Variants in BCL2 observed in about 807,000 individuals in gnomAD.
BCL2 encodes BCL2 apoptosis regulator.
BCL2 carries 1 observed loss-of-function variant against 14.2 expected under a neutral mutation model. The observed-to-expected ratio is 0.07, with a 90% CI of 0.02 to 0.33. BCL2 has a LOEUF of 0.33. Ranked by LOEUF, BCL2 falls within the 10% of genes least tolerant of loss-of-function variation. BCL2 has a pLI of 0.99. For synonymous variants in BCL2, 151 were observed against 137.2 expected (o/e 1.10, Z -0.70); for missense variants, 247 against 305.9 (o/e 0.81, Z 1.44).
intron 2 of BCL2, among the ~76,000 whole-genome samples, chr18:63,279,995 G>A (rs540265470): frequency 6.6e-6 from 1 of 152,326 alleles, no homozygotes; most frequent in East Asian, 1.9e-4. Context: ...GGCCTTATGG[G>A]GGCTGGCAAT....
chr18:63,304,093 T>C (rs1398867695), intron 2 of BCL2, among the ~76,000 whole-genome samples: 1 of 152,230 alleles, frequency 6.6e-6, no homozygotes, highest in Non-Finnish European at 1.5e-5. Flanking sequence ...GAAGTTAATA[T>C]TGTCCCATCA....
chr18:63,284,383 T>C (rs1298782366), intron 2 of BCL2, among the ~76,000 whole-genome samples: 2 of 152,204 alleles, frequency 1.3e-5, no homozygotes, highest in Non-Finnish European at 2.9e-5. Flanking sequence ...AAGTCACGTA[T>C]ACTTTTGCAG....
At chr18:63,155,726 G>A (rs542609868) in intron 2 of BCL2, among the ~76,000 whole-genome samples, 1 of 152,196 alleles carries the variant, frequency 6.6e-6, no homozygotes, top group South Asian at 2.1e-4. Context: ...GGAAGAGAGA[G>A]GGAGGGCTGC....
intron 2 of BCL2, among the ~76,000 whole-genome samples, chr18:63,238,199 G>A (rs1241249488): frequency 6.6e-6 from 1 of 152,176 alleles, no homozygotes; most frequent in Non-Finnish European, 1.5e-5. Flanking sequence ...AACTGGGAGT[G>A]TTTAATTATG....
At chr18:63,279,041 A>T (rs1436974742) in intron 2 of BCL2, among the ~76,000 whole-genome samples, 2 of 152,254 alleles carry the variant, frequency 1.3e-5, no homozygotes, top group African/African-American at 4.8e-5. Flanking sequence ...ATATAACTCA[A>T]TTCCAGGTGC....
chr18:63,267,420 C>T (rs577552714), intron 2 of BCL2, among the ~76,000 whole-genome samples: 1 of 152,092 alleles, frequency 6.6e-6, no homozygotes, highest in Non-Finnish European at 1.5e-5. Context: ...AAAGGAGGTG[C>T]AGTCAGCTGG....
chr18:63,156,340 T>A (rs1425654701), intron 2 of BCL2, among the ~76,000 whole-genome samples: 1 of 152,178 alleles, frequency 6.6e-6, no homozygotes, highest in Admixed American at 6.5e-5. Flanking sequence ...CTGGGTCAGG[T>A]AATTCTTTGT....
chr18:63,311,883 G>A (rs1913333755), intron 2 of BCL2, among the ~76,000 whole-genome samples: 1 of 152,206 alleles, frequency 6.6e-6, no homozygotes, highest in South Asian at 2.1e-4. Context: ...GGCGTTTGGG[G>A]AAGTAGTCCT....
intron 2 of BCL2, among the ~76,000 whole-genome samples, chr18:63,272,738 C>A (rs1290808591): frequency 1.3e-5 from 2 of 152,162 alleles, no homozygotes; most frequent in African/African-American, 4.8e-5. Context: ...ATCATAAATA[C>A]ACACACAGCA....
chr18:63,180,345 T>C (rs1360930159), intron 2 of BCL2, among the ~76,000 whole-genome samples: 1 of 152,208 alleles, frequency 6.6e-6, no homozygotes, highest in Non-Finnish European at 1.5e-5. Context: ...GCTCTGGGTG[T>C]TGCTAGGAAG....
At chr18:63,204,560 G>C (rs1201148695) in intron 2 of BCL2, among the ~76,000 whole-genome samples, 1 of 152,076 alleles carries the variant, frequency 6.6e-6, no homozygotes, top group African/African-American at 2.4e-5. Context: ...AACAAATCCA[G>C]GCAAAAGCAG....
At chr18:63,243,003 A>G (rs1276392340) in intron 2 of BCL2, among the ~76,000 whole-genome samples, 1 of 152,166 alleles carries the variant, frequency 6.6e-6, no homozygotes, top group Non-Finnish European at 1.5e-5. Context: ...AGTAACATGG[A>G]TTGGGTAAGG....
At position 63,203,134 on chromosome 18, in the gene BCL2, A is replaced by G. The variant is rs150848441; in HGVS notation, c.586-74375T>C. 1.1e-3 allele frequency among the ~76,000 whole-genome samples: 163 copies of G among 152,368 alleles called. 1 individual carries two copies. The highest frequency in any genetic ancestry group is 3.8e-3 in the African/African-American group (158 of 41,586). On this transcript the variant is annotated intron_variant, in intron 2 of 2. Coordinates refer to ENST00000333681, the MANE Select transcript of BCL2 (RefSeq NM_000633.3). ...GTTTGTATGTGAGGCCCACTTTGCC[A>G]GGACCAAGCCCCTTACGAAAACGTC...
chr18:63,313,950 G>A (rs891340807), intron 2 of BCL2: 1 of 152,180 alleles, frequency 6.6e-6, no homozygotes, highest in Non-Finnish European at 1.5e-5. Flanking sequence ...AAGTACAGCT[G>A]AAAGTAACAG....
intron 2 of BCL2, among the ~76,000 whole-genome samples, chr18:63,175,950 T>G (rs1202216553): frequency 6.6e-6 from 1 of 152,188 alleles, no homozygotes; most frequent in Non-Finnish European, 1.5e-5. Context: ...ATGTGACTTG[T>G]TATGATGGAA....
intron 2 of BCL2, among the ~76,000 whole-genome samples, chr18:63,171,542 A>T (rs1391617529): frequency 6.6e-6 from 1 of 152,276 alleles, no homozygotes; most frequent in Non-Finnish European, 1.5e-5. Flanking sequence ...GACAATAACC[A>T]ACTGATTGAT....
At chr18:63,289,725 C>T (rs946447564) in intron 2 of BCL2, among the ~76,000 whole-genome samples, 1 of 152,120 alleles carries the variant, frequency 6.6e-6, no homozygotes, top group Non-Finnish European at 1.5e-5. Flanking sequence ...GAAACCCCGC[C>T]TCTACTAAAA....
chr18:63,276,884 T>A (rs1484022430), intron 2 of BCL2, among the ~76,000 whole-genome samples: 1 of 152,232 alleles, frequency 6.6e-6, no homozygotes, highest in Non-Finnish European at 1.5e-5. Flanking sequence ...TAAGGCATTG[T>A]ATGGATGGTT....
intron 2 of BCL2, among the ~76,000 whole-genome samples, chr18:63,277,000 G>C (rs1233104515): frequency 1.3e-5 from 2 of 152,064 alleles, no homozygotes; most frequent in African/African-American, 4.8e-5. Context: ...TTTGGGTCTG[G>C]CCAGGGCTGC....
Sources: allele counts gnomAD v4.1 joint callset (sites outside exome capture counted in the v4.1 genomes callset), GRCh38; gene constraint gnomAD v4.1.1; transcripts MANE v1.5; gene names NCBI Gene and HGNC (gene_info 2026-07-23, HGNC 2026-07-21).